The following KCTD8 variants were observed in gnomAD, a reference collection of about 807,000 sequenced individuals.
KCTD8 encodes the protein BTB/POZ domain-containing protein KCTD8.
Under a neutral mutation model 31.5 loss-of-function variants are expected in KCTD8, and 27 were observed. The observed-to-expected ratio is 0.86, with a 90% CI of 0.63 to 1.18. KCTD8 has a LOEUF of 1.18. KCTD8 is among the 50% of genes most tolerant of loss of function. The pLI, the probability that KCTD8 is intolerant of heterozygous loss-of-function variation, is 0.00. For missense variants in KCTD8, 658 were observed against 647.7 expected (o/e 1.02, Z -0.17); for synonymous variants, 290 against 280.0 (o/e 1.04, Z -0.36).
At position 44,300,695 on chromosome 4, in the gene KCTD8, A is replaced by C. The variant is rs191470410; in HGVS notation, c.962-125445T>G. 4.6e-3 allele frequency among the ~76,000 whole-genome samples: 699 copies of C among 152,248 alleles called. 4 individuals carry two copies. Among genetic ancestry groups the C allele is most frequent in the Non-Finnish European group, 7.5e-3 (507 of 68,012 alleles). ...TGCTTATTCAAACTAATCCTACACC[A>C]GTAGGATTATCAATAAGAACTCTTT... On this transcript the variant is annotated intron_variant, in intron 1 of 1. Transcript: ENST00000360029.
intron 1 of KCTD8, among the ~76,000 whole-genome samples, chr4:44,318,012 C>T (rs1718185942): frequency 6.6e-6 from 1 of 152,202 alleles, no homozygotes; most frequent in South Asian, 2.1e-4. Flanking sequence ...TTGATTTACA[C>T]TGGTCTTTGC....
intron 1 of KCTD8, among the ~76,000 whole-genome samples, chr4:44,292,492 C>T (rs1717309807): frequency 6.6e-6 from 1 of 151,978 alleles, no homozygotes; most frequent in Non-Finnish European, 1.5e-5. Flanking sequence ...GGGAGGAAGG[C>T]GTGGTCTGAA....
intron 1 of KCTD8, among the ~76,000 whole-genome samples, chr4:44,370,783 T>C (rs1719762866): frequency 6.6e-6 from 1 of 152,102 alleles, no homozygotes; most frequent in Non-Finnish European, 1.5e-5. Flanking sequence ...AAAGTATTTC[T>C]TTTCCAGCCT....
At chr4:44,406,313 A>G (rs763506582) in intron 1 of KCTD8, among the ~76,000 whole-genome samples, 3 of 152,090 alleles carry the variant, frequency 2.0e-5, no homozygotes, top group Non-Finnish European at 4.4e-5. Context: ...TTCTCTTTTG[A>G]TATGCTTTGG....
intron 1 of KCTD8, among the ~76,000 whole-genome samples, chr4:44,302,276 C>G (rs146350106): frequency 9.9e-5 from 15 of 152,038 alleles, no homozygotes; most frequent in South Asian, 2.1e-4. Flanking sequence ...TAGCTTGATG[C>G]GGATGGCATT....
intron 1 of KCTD8, among the ~76,000 whole-genome samples, chr4:44,211,071 T>C (rs1252860375): frequency 6.6e-6 from 1 of 152,212 alleles, no homozygotes; most frequent in African/African-American, 2.4e-5. Flanking sequence ...ATCCTTAAAA[T>C]ATCCTTATGA....
intron 1 of KCTD8, among the ~76,000 whole-genome samples, chr4:44,318,276 C>T (rs1229546989): frequency 6.6e-6 from 1 of 152,010 alleles, no homozygotes; most frequent in Admixed American, 6.6e-5. Context: ...ACTACATAAC[C>T]CAGGCTCAAA....
intron 1 of KCTD8, among the ~76,000 whole-genome samples, chr4:44,397,821 T>A (rs1720544315): frequency 6.6e-6 from 1 of 152,148 alleles, no homozygotes; most frequent in Non-Finnish European, 1.5e-5. Flanking sequence ...GAGAAAACAT[T>A]ACAAGAATTT....
In KCTD8 at chr4:44,324,715, T is replaced by A. The variant is rs375667877; in HGVS notation, c.961+122848A>T. ...GGAATAAAGATTCTTCTGCTCATGT[T>A]CTAATATCAATATTGGCTTCCCCTT... On this transcript the variant is annotated intron_variant, in intron 1 of 1. Transcript: ENST00000360029. 9.4e-4 allele frequency among the ~76,000 whole-genome samples: 143 copies of A among 152,182 alleles called. 4 individuals are homozygous for A. The South Asian group carries it at 0.028, about 29-fold the overall frequency.
chr4:44,221,479 C>T (rs1310077420), intron 1 of KCTD8, among the ~76,000 whole-genome samples: 1 of 151,986 alleles, frequency 6.6e-6, no homozygotes, highest in Non-Finnish European at 1.5e-5. Flanking sequence ...GGAGTACTGA[C>T]TCACAGAATC....
chr4:44,395,897 T>C (rs1720492672), intron 1 of KCTD8, among the ~76,000 whole-genome samples: 1 of 152,074 alleles, frequency 6.6e-6, no homozygotes, highest in East Asian at 1.9e-4. Context: ...GAAGACAATT[T>C]TTTTTATGGA....
At chr4:44,240,495 TA>T (rs1455085033) in intron 1 of KCTD8, among the ~76,000 whole-genome samples, 9 of 152,276 alleles carry the variant, frequency 5.9e-5, no homozygotes, top group African/African-American at 2.2e-4. Flanking sequence ...CCCGGGATTT[TA>T]TTTGTTTGTT....
chr4:44,392,196 C>T lies in KCTD8; in HGVS notation c.961+55367G>A, dbSNP rs1720392699. Among the ~76,000 whole-genome samples the T allele has an allele frequency of 2.0e-5, 3 of 151,844 alleles. No homozygotes were observed. In the South Asian group the frequency reaches 6.2e-4, roughly 31 times the overall value. On this transcript the variant is annotated intron_variant, in intron 1 of 1. Transcript: ENST00000360029. Reference sequence around the variant, plus strand: ...ATAGGTTTTTACTTTCCGATAAACACTGAATAAGCCTCTCCTTTCCTTTAA... The same window carrying T: ...ATAGGTTTTTACTTTCCGATAAACATTGAATAAGCCTCTCCTTTCCTTTAA...
chr4:44,324,748 T>G (rs1035575431), intron 1 of KCTD8, among the ~76,000 whole-genome samples: 4 of 152,022 alleles, frequency 2.6e-5, no homozygotes, highest in Non-Finnish European at 5.9e-5. Context: ...CTTGGAGACT[T>G]TTGATAAACA....
Position 44,205,445 on chromosome 4 carries a change from C to T in KCTD8, c.962-30195G>A, listed in dbSNP as rs535812265. Among the ~76,000 whole-genome samples the T allele has an allele frequency of 5.2e-4, 79 of 152,216 alleles. 2 individuals are homozygous for T. The South Asian group carries it at 8.3e-3, about 16-fold the overall frequency. On this transcript the variant is annotated intron_variant, in intron 1 of 1. Transcript: ENST00000360029. ...TTGGAAAACATATTTATATTTCTAC[C>T]TCACATCACATACAAAAATATATGC...
chr4:44,219,212 T>C (rs565720461), intron 1 of KCTD8, among the ~76,000 whole-genome samples: 1 of 152,372 alleles, frequency 6.6e-6, no homozygotes, highest in South Asian at 2.1e-4. Context: ...TATAATTTTA[T>C]TCATTTAGAG....
At chr4:44,343,953 G>T (rs1463561236) in intron 1 of KCTD8, among the ~76,000 whole-genome samples, 1 of 152,144 alleles carries the variant, frequency 6.6e-6, no homozygotes, top group South Asian at 2.1e-4. Flanking sequence ...CTGCCTCCCA[G>T]GTTCAAGTGA....
At chr4:44,319,962 A>G (rs796855390) in intron 1 of KCTD8, among the ~76,000 whole-genome samples, 16 of 152,070 alleles carry the variant, frequency 1.1e-4, no homozygotes, top group African/African-American at 3.4e-4. Context: ...ACCTGAGGTC[A>G]TGAGTTCAAT....
intron 1 of KCTD8, among the ~76,000 whole-genome samples, chr4:44,342,607 T>C (rs531368948): frequency 6.6e-6 from 1 of 152,206 alleles, no homozygotes. Context: ...AGAAGAGAGA[T>C]AACCTGTCTT....
Sources: gnomAD v4.1 joint callset for allele counts (sites outside exome capture counted in the v4.1 genomes callset) on GRCh38, gnomAD v4.1.1 for gene constraint, MANE v1.5 for transcripts, NCBI Gene and HGNC (gene_info 2026-07-23, HGNC 2026-07-21) for gene names.